SYCP2: variants seen among roughly 807,000 people sequenced by gnomAD.
SYCP2 encodes the protein synaptonemal complex protein 2.
A neutral mutation model predicts 211.3 loss-of-function variants in SYCP2; 55 were observed. That is an observed-to-expected ratio of 0.26 (90% CI 0.21 to 0.33). The LOEUF (loss-of-function observed/expected upper bound fraction) is 0.33. Ranked by LOEUF, SYCP2 falls within the 10% of genes least tolerant of loss-of-function variation. SYCP2 has a pLI of 1.00. For missense variants in SYCP2, 1,731 were observed against 1,752.0 expected, an observed-to-expected ratio of 0.99 and a Z score of 0.21; for synonymous variants, 570 against 555.2, an observed-to-expected ratio of 1.03 and a Z score of -0.37.
intron 18 of SYCP2, among the ~76,000 whole-genome samples, chr20:59,897,606 A>C (rs1164855425): frequency 6.6e-6 from 1 of 152,194 alleles, no homozygotes; most frequent in African/African-American, 2.4e-5. Context: ...AGACACCAAA[A>C]ATAGCTTTCA....
In SYCP2 at chr20:59,892,644, A is replaced by G; in HGVS notation, c.1851T>C (p.Cys617=). 6.2e-7 allele frequency: 1 copy of G among 1,610,740 alleles called. No homozygotes were observed. The highest frequency in any genetic ancestry group is 8.5e-7 in the Non-Finnish European group (1 of 1,178,164). The change falls in exon 23 of 45, where the codon TGT becomes TGC. Residue 617 remains cysteine (C), a synonymous_variant. Transcript: ENST00000357552. ...GTTCAATGTTTGTTACAGGTGTCCAACATGCCCATTTGCTGTGTATTTTAT... is the reference window on the plus strand; with the variant it reads ...GTTCAATGTTTGTTACAGGTGTCCAGCATGCCCATTTGCTGTGTATTTTAT... ...CGNKIHSKWA[C]WTPVTNIELC...
intron 33 of SYCP2, among the ~76,000 whole-genome samples, chr20:59,875,726 A>T (rs755621724): frequency 1.1e-4 from 17 of 152,128 alleles, no homozygotes; most frequent in Non-Finnish European, 1.6e-4. Flanking sequence ...TTCAAAGATT[A>T]TATCCAGTTT....
At position 59,868,432 on chromosome 20, in the gene SYCP2, T is replaced by C. The variant is rs1229571549; in HGVS notation, c.3969A>G (p.Ala1323=). The C allele has an allele frequency of 4.3e-6, 7 of 1,610,400 alleles. No homozygotes were observed. The highest frequency in any genetic ancestry group is 5.1e-6 in the Non-Finnish European group (6 of 1,178,178). ...ACCTACTTTTGTGGATATGATGATC[T>C]GCATCTTCAATTTTACACAGTTTTT... is the stretch of plus-strand genomic sequence containing the variant. ...LPKKLCKIED[A]DHHIHKMSES... Residue 1323 remains alanine, a synonymous_variant, in exon 38 of 45, where the codon GCA becomes GCG. Transcript: ENST00000357552.
In SYCP2 at chr20:59,886,715, C is replaced by A; in HGVS notation, c.2484G>T (p.Leu828Phe). Reference protein sequence around the residue: ...IKSTRKLKESLINSGFSNKPV... With the variant: ...IKSTRKLKESFINSGFSNKPV... ...GAAATTTAAGAACATACCTGTTAAT[C>A]AAAGACTCCTTTAATTTTCTTGTAG... Residue 828 changes from leucine (L) to phenylalanine (F), a missense_variant, in exon 25 of 45, where the codon TTG becomes TTT. Physicochemically the swap from Leu to Phe is conservative, Grantham distance 22. This residue lies in a region of SYCP2 where 1,387 missense variants were observed against 1,351.3 expected (regional missense o/e 1.03). Coordinates refer to ENST00000357552, the MANE Select transcript of SYCP2 (RefSeq NM_014258.4). 2.6e-6 allele frequency: 4 copies of A among 1,555,586 alleles called. No individual in the cohort carries two copies. The highest frequency in any genetic ancestry group is 1.4e-5 in the African/African-American group (1 of 71,780).
intron 17 of SYCP2, 36 bp from the exon 18 acceptor site, chr20:59,900,320 T>G (rs781771050): frequency 6.6e-7 from 1 of 1,525,962 alleles, no homozygotes; most frequent in South Asian, 1.3e-5. Context: ...TATTTAAAAC[T>G]GCAAACCACA....
At chr20:59,933,089 C>G (rs1023453183) in intron 1 of SYCP2, 1 of 152,686 alleles carries the variant, frequency 6.5e-6, no homozygotes. Context: ...CTTCAGATGT[C>G]CCGGAGACAG....
intron 8 of SYCP2, chr20:59,915,772 T>A (rs1003854120): frequency 3.9e-5 from 12 of 306,912 alleles, no homozygotes; most frequent in Non-Finnish European, 6.6e-5. Context: ...GGCGGGCGGA[T>A]CACTTGATGT....
chr20:59,865,964 T>A, intron 41 of SYCP2, 99 bp from the exon 42 acceptor site: 1 of 504,330 alleles, frequency 2.0e-6, no homozygotes, highest in Non-Finnish European at 3.4e-6. Flanking sequence ...AATCCAACAG[T>A]AGAATTACTC....
intron 7 of SYCP2, among the ~76,000 whole-genome samples, chr20:59,917,583 G>A (rs1031558178): frequency 1.3e-5 from 2 of 152,116 alleles, no homozygotes; most frequent in African/African-American, 4.8e-5. Flanking sequence ...ACATTGTTAT[G>A]TAGCAAAAAC....
At chr20:59,877,286 T>A (rs1306136659) in intron 33 of SYCP2, 99 bp downstream of exon 33, 1 of 850,300 alleles carries the variant, frequency 1.2e-6, no homozygotes, top group Non-Finnish European at 1.6e-6. Flanking sequence ...AGAAGTTAAC[T>A]CTTAAGAAGT....
chr20:59,881,211 C>G (rs2059672663), intron 29 of SYCP2, among the ~76,000 whole-genome samples, 188 bp from the exon 30 acceptor site: 1 of 151,682 alleles, frequency 6.6e-6, no homozygotes, highest in Non-Finnish European at 1.5e-5. Context: ...TAAAGAACTA[C>G]TAAGTCTTTT....
At chr20:59,868,625 T>C (rs572626730) in intron 37 of SYCP2, 57 bp from the exon 38 acceptor site, 31 of 1,506,014 alleles carry the variant, frequency 2.1e-5, no homozygotes, top group Non-Finnish European at 2.7e-5. Flanking sequence ...AAATACCTCA[T>C]ATTTTCTTGC....
intron 36 of SYCP2, among the ~76,000 whole-genome samples, chr20:59,869,360 C>A (rs2145602408): frequency 6.6e-6 from 1 of 151,808 alleles, no homozygotes; most frequent in East Asian, 1.9e-4. Flanking sequence ...ATATACCTAC[C>A]CATCCACTTA....
At position 59,895,494 on chromosome 20, in the gene SYCP2, A is replaced by G. The variant is rs758867461; in HGVS notation, c.1608T>C (p.Ala536=). 1.2e-6 allele frequency: 2 copies of G among 1,613,122 alleles called. No homozygotes were observed. Among genetic ancestry groups the G allele is most frequent in the Non-Finnish European group, 1.7e-6 (2 of 1,179,356 alleles). Residue 536 remains alanine (A), a synonymous_variant, in exon 20 of 45, where the codon GCT becomes GCC. Coordinates refer to ENST00000357552, the MANE Select transcript of SYCP2 (RefSeq NM_014258.4). ...CTGATGATCTAGATTTCAGTGATGC[A>G]GCATTATCCACTCTATTTTCTGATG... ...SQTSENRVDN[A]ASLKSRSSEG...
Position 59,896,469 on chromosome 20 carries a change from A to G in SYCP2, c.1464T>C (p.Asp488=). Residue 488 remains aspartate (D), a synonymous_variant, in exon 19 of 45, where the codon GAT becomes GAC. Transcript: ENST00000357552. ...SEASMIVSGA[D]RYTMRSPVLF... ...GCACTGGACTTCTCATAGTGTATCT[A>G]TCTGCACCAGAAACAATCATTGATG... The G allele has an allele frequency of 6.2e-7, 1 of 1,610,158 alleles. No homozygotes were observed. Among genetic ancestry groups the G allele is most frequent in the Non-Finnish European group, 8.5e-7 (1 of 1,177,380 alleles).
In SYCP2 at chr20:59,895,615, G is replaced by T. The variant is rs376855636; in HGVS notation, c.1505-18C>A. On this transcript the variant is annotated intron_variant, in intron 19 of 44. Coordinates refer to ENST00000357552, the MANE Select transcript of SYCP2 (RefSeq NM_014258.4). The stretch of plus-strand genomic sequence containing the variant: ...TGGTATTGCTAAAAAGGAGGACAAG[G>T]ATTGCAGATTTTTCTTTTTTTACCT... 3 of 1,608,896 alleles carry T rather than the reference G, an allele frequency of 1.9e-6. No individual in the cohort carries two copies. Among genetic ancestry groups the T allele is most frequent in the Non-Finnish European group, 2.5e-6 (3 of 1,178,202 alleles).
At chr20:59,912,949 T>TC (rs1408316838) in intron 12 of SYCP2, among the ~76,000 whole-genome samples, 1 of 152,212 alleles carries the variant, frequency 6.6e-6, no homozygotes, top group Non-Finnish European at 1.5e-5. Context: ...TAGTGAGGCT[T>TC]CCCCAGCCAC....
intron 9 of SYCP2, 54 bp from the exon 10 acceptor site, chr20:59,915,253 G>A: frequency 3.0e-6 from 4 of 1,317,824 alleles, no homozygotes; most frequent in Non-Finnish European, 4.3e-6. Flanking sequence ...TAAATAGGAA[G>A]TCCACATGTT....
At position 59,920,485 on chromosome 20, in the gene SYCP2, T is replaced by C. The variant is rs780636949; in HGVS notation, c.171A>G (p.Glu57=). 2 of 1,594,356 alleles carry C rather than the reference T, an allele frequency of 1.3e-6. No homozygotes were observed. The highest frequency in any genetic ancestry group is 2.3e-5 in the East Asian group (1 of 44,344). The change falls in exon 5 of 45, where the codon GAA becomes GAG. Residue 57 remains glutamate (E), a splice_region_variant and synonymous_variant. Transcript: ENST00000357552. ...FHKVDNLICR[E]LNKEDIHNVS... ...CATTGTGGATATCCTCTTTATTAAG[T>C]TCCTGAAATAAAAGGTATACATTAA...
Sources: allele counts gnomAD v4.1 joint callset (sites outside exome capture counted in the v4.1 genomes callset), GRCh38; gene constraint gnomAD v4.1.1; regional missense constraint gnomAD v4.1.1; transcripts MANE v1.5; gene names NCBI Gene and HGNC (gene_info 2026-07-23, HGNC 2026-07-21).